SBF2: variants seen among roughly 807,000 people sequenced by gnomAD.
SBF2 encodes the protein SET binding factor 2.
A neutral mutation model predicts 225.2 loss-of-function variants in SBF2; 112 were observed. The ratio of observed to expected loss-of-function variants is 0.50; its 90% CI spans 0.43 to 0.58. The LOEUF is 0.58. SBF2 is among the 20% of genes least tolerant of loss of function. The pLI, the probability that SBF2 is intolerant of heterozygous loss-of-function variation, is 0.00. For missense variants in SBF2, 1,996 were observed against 2,206.2 expected (o/e 0.90, Z 1.91); for synonymous variants, 763 against 773.3 (o/e 0.99, Z 0.22).
At chr11:9,815,319 G>C (rs1854398755) in intron 29 of SBF2, among the ~76,000 whole-genome samples, 1 of 149,302 alleles carries the variant, frequency 6.7e-6, no homozygotes, top group Non-Finnish European at 1.5e-5. Context: ...AGCTGGGCGT[G>C]GTGACGCGTG....
rs1964617908 is a variant in SBF2 at position 10,303,539 on chromosome 11, T to A, written n.386+953A>T. The A allele has an allele frequency of 1.3e-5, 2 of 152,230 alleles. No homozygotes were observed. Among genetic ancestry groups the A allele is most frequent in the African/African-American group, 4.8e-5 (2 of 41,428 alleles). The allele number at this position is 152,230 out of a possible 1,614,324, so 9.4% of individuals were successfully genotyped here. On this transcript the variant is annotated intron_variant and non_coding_transcript_variant, in intron 1 of 5. Coordinates refer to the SBF2 transcript ENST00000685217. This position sits in a 1 kb window ranked among gnomAD's most constrained non-coding sequence, Gnocchi z 5.2. ...TGCCCAGCCGCCTTTGCACCGGAGC[T>A]CAGAGCCATATGGCAGAGTAGGAAG... is the stretch of plus-strand genomic sequence containing the variant.
At chr11:10,261,323 T>C (rs1330459816) in intron 1 of SBF2, among the ~76,000 whole-genome samples, 2 of 152,270 alleles carry the variant, frequency 1.3e-5, no homozygotes, top group East Asian at 3.9e-4. Context: ...CCGTCTCAAC[T>C]TACCGGGTAG....
intron 26 of SBF2, among the ~76,000 whole-genome samples, chr11:9,834,789 A>G (rs886739528): frequency 6.6e-6 from 1 of 152,222 alleles, no homozygotes; most frequent in Admixed American, 6.5e-5. Flanking sequence ...AATGTGTATT[A>G]GACAGGGAAA....
chr11:10,155,078 G>A (rs993206924), intron 2 of SBF2, among the ~76,000 whole-genome samples: 3 of 152,040 alleles, frequency 2.0e-5, no homozygotes, highest in Admixed American at 1.3e-4. Flanking sequence ...ACTCCACCTG[G>A]ACTTCTTTAT....
chr11:10,086,035 G>A (rs532805478), intron 2 of SBF2, among the ~76,000 whole-genome samples: 16 of 138,042 alleles, frequency 1.2e-4, no homozygotes, highest in Admixed American at 4.9e-4. Context: ...TGGCACACAC[G>A]TGCATGTGTG....
intron 6 of SBF2, among the ~76,000 whole-genome samples, chr11:10,026,854 T>G (rs1169092221): frequency 6.6e-6 from 1 of 152,132 alleles, no homozygotes; most frequent in Non-Finnish European, 1.5e-5. Flanking sequence ...TAGATAGATA[T>G]GCATTAAATA....
chr11:9,793,370 C>T (rs1852882588), intron 33 of SBF2, among the ~76,000 whole-genome samples: 1 of 151,904 alleles, frequency 6.6e-6, no homozygotes, highest in Admixed American at 6.6e-5. Flanking sequence ...GCATAATGGG[C>T]TCACCTGGGG....
intron 1 of SBF2, among the ~76,000 whole-genome samples, chr11:10,300,604 G>T (rs1203917098): frequency 2.6e-5 from 4 of 151,992 alleles, no homozygotes. Context: ...CTGGAGACAA[G>T]TAGCATGATG....
chr11:10,280,346 C>T (rs1208483704), intron 1 of SBF2, among the ~76,000 whole-genome samples: 1 of 152,138 alleles, frequency 6.6e-6, no homozygotes, highest in Admixed American at 6.5e-5. Flanking sequence ...GAACTTTATT[C>T]CTATACATAC....
intron 2 of SBF2, among the ~76,000 whole-genome samples, chr11:10,125,573 T>C (rs1953710544): frequency 6.6e-6 from 1 of 152,188 alleles, no homozygotes; most frequent in Non-Finnish European, 1.5e-5. Flanking sequence ...TAAAGAAAAT[T>C]GTAAATATAG....
At chr11:9,980,351 G>C (rs1031914150) in intron 13 of SBF2, among the ~76,000 whole-genome samples, 1 of 150,324 alleles carries the variant, frequency 6.7e-6, no homozygotes, top group African/African-American at 2.5e-5. Flanking sequence ...ACCCAGGCTG[G>C]TCTCGAACTC....
chr11:9,989,055 T>TATATATATATATATAC (rs963608316), intron 13 of SBF2, among the ~76,000 whole-genome samples: 8 of 142,626 alleles, frequency 5.6e-5, no homozygotes, highest in Non-Finnish European at 1.3e-4. Flanking sequence ...TATATATATA[T>TATATATATATATATAC]ACATATGCAT....
chr11:9,797,778 G>C (rs1853217882), intron 32 of SBF2, among the ~76,000 whole-genome samples: 1 of 152,192 alleles, frequency 6.6e-6, no homozygotes, highest in Admixed American at 6.5e-5. Context: ...AGACCAACCT[G>C]GGCAACATAG....
intron 28 of SBF2, chr11:9,819,205 A>G (rs1854616928): frequency 6.6e-6 from 1 of 152,250 alleles, no homozygotes; most frequent in Admixed American, 6.5e-5. Context: ...AAAGAGTGAT[A>G]TATCAGGACA....
chr11:10,175,857 C>G (rs1466342236), intron 2 of SBF2, among the ~76,000 whole-genome samples: 1 of 151,994 alleles, frequency 6.6e-6, no homozygotes, highest in African/African-American at 2.4e-5. Flanking sequence ...GATTAAGAAT[C>G]TCACTCAAAA....
chr11:9,839,762 T>C (rs1855982395), intron 25 of SBF2, 66 bp from the exon 26 acceptor site: 6 of 1,449,292 alleles, frequency 4.1e-6, no homozygotes, highest in Non-Finnish European at 5.8e-6. Context: ...TTCAGGGTAG[T>C]ACCTGTGGGG....
intron 17 of SBF2, 24 bp downstream of exon 17, chr11:9,895,919 T>G: frequency 6.5e-7 from 1 of 1,534,270 alleles, no homozygotes; most frequent in Non-Finnish European, 9.0e-7. Context: ...ATAACAAGCT[T>G]ATATATGGAC....
chr11:10,274,278 G>C (rs139759242), intron 1 of SBF2, among the ~76,000 whole-genome samples: 3 of 152,304 alleles, frequency 2.0e-5, no homozygotes, highest in East Asian at 3.9e-4. Context: ...ATTTTATTAA[G>C]AGAATTTTAA....
chr11:10,157,424 T>C lies in SBF2; in HGVS notation c.141+36478A>G, dbSNP rs769354303. Among the ~76,000 whole-genome samples the C allele has an allele frequency of 3.0e-4, 45 of 152,198 alleles. 1 individual carries two copies. The highest frequency in any genetic ancestry group is 6.0e-4 in the Non-Finnish European group (41 of 68,028). On this transcript the variant is annotated intron_variant, in intron 2 of 39. Transcript: ENST00000256190. ...AAAGCAAAAATTGACAAATGGAATC[T>C]AATTAAACTAAAGAGCTTCTGCATA...
Sources: allele counts gnomAD v4.1 joint callset (sites outside exome capture counted in the v4.1 genomes callset), GRCh38; gene constraint gnomAD v4.1.1; non-coding constraint Gnocchi (gnomAD v3.1); transcripts MANE v1.5; gene names NCBI Gene and HGNC (gene_info 2026-07-23, HGNC 2026-07-21).